The following ARB2A variants were observed in gnomAD, a reference collection of about 807,000 sequenced individuals.
ARB2A encodes the protein ARB2 cotranscriptional regulator A.
the ARB2A span, among the ~76,000 whole-genome samples, chr5:93,993,452 A>T: frequency 6.6e-6 from 1 of 152,112 alleles, no homozygotes; most frequent in Non-Finnish European, 1.5e-5. Context: ...GCTAGCTCAT[A>T]ACAGAATTCC....
the ARB2A span, among the ~76,000 whole-genome samples, chr5:93,641,157 A>G: frequency 1.7e-4 from 25 of 151,122 alleles, no homozygotes; most frequent in Non-Finnish European, 7.4e-5. Context: ...CCTAGATCGC[A>G]CCACTGCACT....
chr5:93,629,319 A>C, the ARB2A span, among the ~76,000 whole-genome samples: 1 of 152,230 alleles, frequency 6.6e-6, no homozygotes, highest in East Asian at 1.9e-4. Context: ...ATCATAACAG[A>C]TATAAAAATA....
the ARB2A span, among the ~76,000 whole-genome samples, chr5:93,876,180 G>A: frequency 6.6e-6 from 1 of 152,138 alleles, no homozygotes. Context: ...GGAATTTTGT[G>A]TGTCTTGGTA....
the ARB2A span, chr5:93,620,995 C>T: frequency 5.0e-6 from 8 of 1,610,598 alleles, no homozygotes; most frequent in South Asian, 1.1e-5. Context: ...TCTTACAGCT[C>T]TTCGTGCTTG....
At chr5:94,041,784 T>A in the ARB2A span, among the ~76,000 whole-genome samples, 292 of 152,302 alleles carry the variant, frequency 1.9e-3, 1 homozygote, top group African/African-American at 6.8e-3. Flanking sequence ...GAGCATTAGA[T>A]CCTAGATAAG....
chr5:94,104,940 A>C, the ARB2A span, among the ~76,000 whole-genome samples: 2 of 152,090 alleles, frequency 1.3e-5, no homozygotes, highest in African/African-American at 4.8e-5. Flanking sequence ...GCTTTTGATA[A>C]AATTTAACAT....
chr5:93,742,550 G>C, the ARB2A span, among the ~76,000 whole-genome samples: 11 of 152,264 alleles, frequency 7.2e-5, no homozygotes, highest in Admixed American at 1.3e-4. Context: ...GAGAGGCTCT[G>C]ACCTCAGTTT....
chr5:93,626,512 G>C, the ARB2A span, among the ~76,000 whole-genome samples: 11 of 152,246 alleles, frequency 7.2e-5, no homozygotes, highest in South Asian at 2.1e-4. Flanking sequence ...AGATATCGTG[G>C]GTTTGGTTAC....
At chr5:93,871,738 T>C in the ARB2A span, among the ~76,000 whole-genome samples, 2 of 152,132 alleles carry the variant, frequency 1.3e-5, no homozygotes, top group African/African-American at 2.4e-5. Context: ...CATAGGTTTA[T>C]TGTTATTTAA....
At chr5:93,770,540 T>C in the ARB2A span, among the ~76,000 whole-genome samples, 49 of 152,224 alleles carry the variant, frequency 3.2e-4, 1 homozygote, top group African/African-American at 1.1e-3. Flanking sequence ...GATGACATGA[T>C]TGTATATCTA....
At chr5:94,038,132 A>G in the ARB2A span, among the ~76,000 whole-genome samples, 1 of 152,130 alleles carries the variant, frequency 6.6e-6, no homozygotes, top group African/African-American at 2.4e-5. Flanking sequence ...AGAATCTTTC[A>G]TTATAATGTC....
chr5:94,017,434 A>G, the ARB2A span, among the ~76,000 whole-genome samples: 1 of 152,222 alleles, frequency 6.6e-6, no homozygotes, highest in Non-Finnish European at 1.5e-5. Flanking sequence ...AATTAAGATA[A>G]AAGTTTGGAT....
the ARB2A span, among the ~76,000 whole-genome samples, chr5:93,988,894 C>A: frequency 6.6e-6 from 1 of 152,120 alleles, no homozygotes; most frequent in African/African-American, 2.4e-5. Flanking sequence ...AGTCTGGATT[C>A]AAACCTAGGC....
the ARB2A span, among the ~76,000 whole-genome samples, chr5:93,724,978 T>C: frequency 6.6e-6 from 1 of 152,044 alleles, no homozygotes; most frequent in African/African-American, 2.4e-5. Context: ...GAGGTTGGCA[T>C]ATATGGAGTG....
chr5:94,060,791 A>AT, the ARB2A span, among the ~76,000 whole-genome samples: 3 of 152,234 alleles, frequency 2.0e-5, no homozygotes, highest in Non-Finnish European at 4.4e-5. Context: ...CCAGCAATAT[A>AT]TAAAAACAAA....
the ARB2A span, among the ~76,000 whole-genome samples, chr5:93,887,216 C>G: frequency 6.9e-6 from 1 of 145,730 alleles, no homozygotes; most frequent in African/African-American, 2.5e-5. Context: ...AGAGACGGCC[C>G]AAGCAAACAA....
the ARB2A span, among the ~76,000 whole-genome samples, chr5:93,675,870 T>C: frequency 1.3e-5 from 2 of 152,216 alleles, no homozygotes; most frequent in African/African-American, 4.8e-5. Context: ...TCCAGTTTAA[T>C]TGCAAACTAC....
the ARB2A span, among the ~76,000 whole-genome samples, chr5:93,686,230 G>C: frequency 6.6e-6 from 1 of 152,148 alleles, no homozygotes; most frequent in Non-Finnish European, 1.5e-5. Context: ...GGTTGACAAA[G>C]GTGTTGGTGA....
chr5:93,739,869 A>G, the ARB2A span: 1 of 152,130 alleles, frequency 6.6e-6, no homozygotes, highest in African/African-American at 2.4e-5. Flanking sequence ...CAACCTCAGT[A>G]ACAAAGGAGT....
Sources: allele counts gnomAD v4.1 joint callset (sites outside exome capture counted in the v4.1 genomes callset), GRCh38; gene constraint gnomAD v4.1.1; transcripts MANE v1.5; gene names NCBI Gene and HGNC (gene_info 2026-07-23, HGNC 2026-07-21).